PACS2: variants seen among roughly 807,000 people sequenced by gnomAD.
The protein encoded by PACS2 is phosphofurin acidic cluster sorting protein 2.
PACS2 carries 36 observed loss-of-function variants against 113.0 expected under a neutral mutation model. That is an observed-to-expected ratio of 0.32 (90% CI 0.24 to 0.42). PACS2 has a LOEUF of 0.42. Among genes scored for constraint, PACS2 ranks in the 10% least tolerant of loss-of-function variants. The pLI, the probability that PACS2 is intolerant of heterozygous loss-of-function variation, is 1.00. For missense variants in PACS2, 1,015 were observed against 1,239.5 expected, an observed-to-expected ratio of 0.82 and a Z score of 2.72; for synonymous variants, 589 against 536.1, an observed-to-expected ratio of 1.10 and a Z score of -1.36.
intron 4 of PACS2, among the ~76,000 whole-genome samples, chr14:105,364,319 G>GCGGTGGGTGGTGTCCCAGGTGCA (rs1481467943): frequency 7.5e-6 from 1 of 134,078 alleles, no homozygotes; most frequent in African/African-American, 3.8e-5. Context: ...TCCCGGGTGC[G>GCGGTGGGTGGTGTCCCAGGTGCA]CGGTGGGCGG....
rs1319625910 is a variant in PACS2 at position 105,396,632 on chromosome 14, C to G, written c.*1960C>G. The G allele has an allele frequency of 6.6e-6, 1 of 151,836 alleles. No individual in the cohort carries two copies. Among genetic ancestry groups the G allele is most frequent in the Non-Finnish European group, 1.5e-5 (1 of 68,118 alleles). 9.4% of individuals were successfully genotyped at this position (151,836 alleles called of 1,614,324 possible). A position where few individuals can be genotyped will look rare whatever the true frequency, so the allele number is the denominator to read the frequency against. On this transcript the variant is annotated 3_prime_UTR_variant, in exon 25 of 25. Transcript: ENST00000447393. Reference sequence around the variant, plus strand: ...TCTCCTGCCTCAGCCTCCCGAGTAGCTGGGATTACAGGCGTGTGCCACCAC... The same window carrying G: ...TCTCCTGCCTCAGCCTCCCGAGTAGGTGGGATTACAGGCGTGTGCCACCAC...
rs145197284 is a variant in PACS2, at chr14:105,385,465, G to A, written c.2001-220G>A. ...AGTCCTGCGGAGACCTGTCTGTCCC[G>A]CCCGGCGCCTCCTCCCTGCACATCT... On this transcript the variant is annotated intron_variant, in intron 18 of 24. Coordinates refer to ENST00000447393, the MANE Select transcript of PACS2 (RefSeq NM_001100913.3). Among the ~76,000 whole-genome samples, 210 of 152,140 alleles carry A rather than the reference G, an allele frequency of 1.4e-3. 11 individuals carry two copies. In the East Asian group the frequency reaches 0.031, roughly 23 times the overall value.
intron 16 of PACS2, chr14:105,384,124 C>T: frequency 5.6e-6 from 3 of 531,230 alleles, no homozygotes; most frequent in Non-Finnish European, 1.0e-5. Flanking sequence ...TCCTCAGTGG[C>T]ACTCAGGGCT....
At chr14:105,383,830 C>T (rs781796393) in intron 16 of PACS2, 26 of 371,392 alleles carry the variant, frequency 7.0e-5, no homozygotes, top group African/African-American at 8.4e-5. Flanking sequence ...CTCCATCAGT[C>T]GCTGTGATAA....
intron 1 of PACS2, among the ~76,000 whole-genome samples, chr14:105,326,002 A>G (rs1185820811): frequency 6.6e-6 from 1 of 152,210 alleles, no homozygotes; most frequent in African/African-American, 2.4e-5. Flanking sequence ...GTTTAATTTG[A>G]GTCTCATTTC....
chr14:105,397,984 G>A lies in PACS2; in HGVS notation c.*3312G>A, dbSNP rs954610950. ...TCTGCAGACCCCCATGCGGTTCATT[G>A]TGCATTGTTTGGTTTCTAGGATGTA... On this transcript the variant is annotated 3_prime_UTR_variant, in exon 25 of 25. Transcript: ENST00000447393. 3 of 152,234 alleles carry A rather than the reference G, an allele frequency of 2.0e-5. No homozygotes were observed. The highest frequency in any genetic ancestry group is 6.5e-5 in the Admixed American group (1 of 15,280). The allele number at this position is 152,234 out of a possible 1,614,324, so 9.4% of individuals were successfully genotyped here.
At position 105,383,556 on chromosome 14, in the gene PACS2, C is replaced by T. The variant is rs781979333; in HGVS notation, c.1780+43C>T. The T allele has an allele frequency of 8.8e-5, 136 of 1,539,470 alleles. 1 individual carries two copies. In the Admixed American group the frequency reaches 9.2e-4, roughly 10 times the overall value. Reference sequence around the variant, plus strand: ...CACCTGGGCCTGGGCACAGATGCCACGGGCAGTGTGGCGTGGCATGGAGTG... The same window carrying T: ...CACCTGGGCCTGGGCACAGATGCCATGGGCAGTGTGGCGTGGCATGGAGTG... On this transcript the variant is annotated intron_variant, in intron 16 of 24. Coordinates refer to ENST00000447393, the MANE Select transcript of PACS2 (RefSeq NM_001100913.3).
upstream of PACS2, among the ~76,000 whole-genome samples, chr14:105,310,956 AT>A (rs1566887591): frequency 6.6e-6 from 1 of 152,074 alleles, no homozygotes; most frequent in Non-Finnish European, 1.5e-5. Context: ...TTTCACATAC[AT>A]TTTTGTTTTC....
In PACS2 at chr14:105,348,029, G is replaced by C. The variant is rs587660141; in HGVS notation, c.120-464G>C. Reference sequence around the variant, plus strand: ...TGAACAGAAGGAAGGTTGGGGGAAAGCGTATCCCAGCTATGGGCAGGGGGT... The same window carrying C: ...TGAACAGAAGGAAGGTTGGGGGAAACCGTATCCCAGCTATGGGCAGGGGGT... On this transcript the variant is annotated intron_variant, in intron 1 of 24. Coordinates refer to ENST00000447393, the MANE Select transcript of PACS2 (RefSeq NM_001100913.3). This position sits in a 1 kb window ranked among gnomAD's most constrained non-coding sequence, Gnocchi z 6.4. Among the ~76,000 whole-genome samples the C allele has an allele frequency of 7.9e-5, 12 of 152,294 alleles. No individual in the cohort carries two copies. Among genetic ancestry groups the C allele is most frequent in the African/African-American group, 2.2e-4 (9 of 41,570 alleles).
Position 105,393,209 on chromosome 14 carries a change from T to C in PACS2, c.2483-13T>C, listed in dbSNP as rs1405632192. The stretch of plus-strand genomic sequence containing the variant: ...GCAGCAAGATGACAGCAGGGCCTCT[T>C]TTCTCCTCCCAGTGATGTTTCTGCC... On this transcript the variant is annotated splice_polypyrimidine_tract_variant and intron_variant, in intron 23 of 24. Coordinates refer to ENST00000447393, the MANE Select transcript of PACS2 (RefSeq NM_001100913.3). 5 of 1,603,832 alleles carry C rather than the reference T, an allele frequency of 3.1e-6. No homozygotes were observed. Among genetic ancestry groups the C allele is most frequent in the Admixed American group, 1.7e-5 (1 of 59,978 alleles).
At position 105,393,230 on chromosome 14, in the gene PACS2, C is replaced by T. The variant is rs899973248; in HGVS notation, c.2491C>T (p.Leu831=). The T allele has an allele frequency of 4.3e-6, 7 of 1,612,172 alleles. No individual in the cohort carries two copies. The highest frequency in any genetic ancestry group is 3.3e-5 in the Admixed American group (2 of 59,990). The change falls in exon 24 of 25, where the codon CTG becomes TTG. Residue 831 remains leucine (L), a synonymous_variant. Coordinates refer to ENST00000447393, the MANE Select transcript of PACS2 (RefSeq NM_001100913.3). ...CTCTTTTCTCCTCCCAGTGATGTTT[C>T]TGCCCAAGAAAGCGAAGGACAAGGA... ...TKEKNKKVMF[L]PKKAKDKDVE...
chr14:105,316,734 T>C (rs2058661357), intron 1 of PACS2, among the ~76,000 whole-genome samples: 1 of 151,622 alleles, frequency 6.6e-6, no homozygotes, highest in Non-Finnish European at 1.5e-5. Context: ...AGAAGCCTGG[T>C]TAGGACAGGC....
rs1324823520 is a variant in PACS2, at chr14:105,376,583, C to T, written c.802-185C>T. On this transcript the variant is annotated intron_variant, in intron 8 of 24. Coordinates refer to ENST00000447393, the MANE Select transcript of PACS2 (RefSeq NM_001100913.3). This position sits in a 1 kb window ranked among gnomAD's most constrained non-coding sequence, Gnocchi z 4.7. ...GCCACACGCACCGGTACCTGGGGACCGGGGGTCCTCGGTGATCATCCCGAG... is the reference window on the plus strand; with the variant it reads ...GCCACACGCACCGGTACCTGGGGACTGGGGGTCCTCGGTGATCATCCCGAG... Among the ~76,000 whole-genome samples, 2 of 152,100 alleles carry T rather than the reference C, an allele frequency of 1.3e-5. No homozygotes were observed. The highest frequency in any genetic ancestry group is 2.4e-5 in the African/African-American group (1 of 41,410).
intron 9 of PACS2, 100 bp from the exon 10 acceptor site, chr14:105,379,639 T>G: frequency 1.0e-6 from 1 of 952,694 alleles, no homozygotes; most frequent in Non-Finnish European, 1.7e-6. Flanking sequence ...GCCGTTGGAT[T>G]CTGCAGTCTG....
chr14:105,325,311 A>G (rs1460619152), intron 1 of PACS2, among the ~76,000 whole-genome samples: 1 of 152,126 alleles, frequency 6.6e-6, no homozygotes, highest in African/African-American at 2.4e-5. Context: ...ATGACCCCTG[A>G]GTCCTGAGAC....
chr14:105,362,808 G>A (rs191490940), intron 4 of PACS2, among the ~76,000 whole-genome samples: 122 of 152,172 alleles, frequency 8.0e-4, no homozygotes, highest in African/African-American at 2.7e-3. Context: ...CCAAGATCGC[G>A]TCATTGCACT....
chr14:105,361,521 C>T (rs587610031), intron 4 of PACS2, among the ~76,000 whole-genome samples: 4 of 152,180 alleles, frequency 2.6e-5, no homozygotes, highest in East Asian at 1.9e-4. Flanking sequence ...CCTGTAATTC[C>T]AGCTACTCAG....
chr14:105,344,313 C>T (rs1417241487), intron 1 of PACS2, among the ~76,000 whole-genome samples: 2 of 151,128 alleles, frequency 1.3e-5, no homozygotes, highest in African/African-American at 4.9e-5. Flanking sequence ...ATTTTTGAGA[C>T]AGAGTCTCAC....
At chr14:105,386,056 C>T (rs986824820) in intron 19 of PACS2, among the ~76,000 whole-genome samples, 4 of 152,226 alleles carry the variant, frequency 2.6e-5, no homozygotes, top group African/African-American at 4.8e-5. Flanking sequence ...GGCCTTTCCC[C>T]GGCTCTGTTT....
Sources: allele counts gnomAD v4.1 joint callset (sites outside exome capture counted in the v4.1 genomes callset), GRCh38; gene constraint gnomAD v4.1.1; non-coding constraint Gnocchi (gnomAD v3.1); transcripts MANE v1.5; gene names NCBI Gene and HGNC (gene_info 2026-07-23, HGNC 2026-07-21).